DLC1: variants seen among roughly 807,000 people sequenced by gnomAD.
The protein encoded by DLC1 is DLC1 Rho GTPase activating protein.
In DLC1, 54 loss-of-function variants were observed where a neutral mutation model predicts 140.3. The observed-to-expected ratio is 0.38, with a 90% CI of 0.31 to 0.48. The LOEUF is 0.48. DLC1 is among the 20% of genes least tolerant of loss of function. The pLI is 0.96. For synonymous variants in DLC1, 986 were observed against 728.1 expected, an observed-to-expected ratio of 1.35 and a Z score of -5.70; for missense variants, 2,536 against 1,907.0, an observed-to-expected ratio of 1.33 and a Z score of -6.14.
At chr8:13,116,198 T>C (rs926613355) in intron 5 of DLC1, 24 of 985,330 alleles carry the variant, frequency 2.4e-5, no homozygotes, top group African/African-American at 2.1e-4. Context: ...ATTAATCCAG[T>C]AGGAGAGGCC....
intron 5 of DLC1, among the ~76,000 whole-genome samples, chr8:13,282,579 A>G (rs1831401622): frequency 6.6e-6 from 1 of 152,160 alleles, no homozygotes; most frequent in African/African-American, 2.4e-5. Flanking sequence ...TTAAAACTTC[A>G]GGGGGAAATA....
intron 7 of DLC1, among the ~76,000 whole-genome samples, chr8:13,103,233 C>T (rs1000131439): frequency 6.6e-6 from 1 of 151,864 alleles, no homozygotes; most frequent in Non-Finnish European, 1.5e-5. Context: ...ATGGCGTGAA[C>T]CCGGGAGGCG....
At chr8:13,550,685 T>C (rs1382112587) in intron 1 of DLC1, among the ~76,000 whole-genome samples, 1 of 152,104 alleles carries the variant, frequency 6.6e-6, no homozygotes, top group African/African-American at 2.4e-5. Flanking sequence ...TGTGTTATCT[T>C]TAATTAAAGC....
At chr8:13,181,331 CTTTCT>C (rs1826022998) in intron 5 of DLC1, among the ~76,000 whole-genome samples, 1 of 143,504 alleles carries the variant, frequency 7.0e-6, no homozygotes, top group Admixed American at 7.0e-5. Flanking sequence ...TTTTTTCTTT[CTTTCT>C]TTTTTTTTTT....
intron 4 of DLC1, among the ~76,000 whole-genome samples, chr8:13,319,482 G>T (rs111769405): frequency 3.1e-4 from 36 of 114,728 alleles, no homozygotes; most frequent in Non-Finnish European, 6.2e-4. Flanking sequence ...GGCGGGGGGG[G>T]GGGGTGGATT....
intron 1 of DLC1, among the ~76,000 whole-genome samples, chr8:13,572,136 C>T (rs1195007955): frequency 6.8e-6 from 1 of 148,096 alleles, no homozygotes; most frequent in Non-Finnish European, 1.5e-5. Flanking sequence ...GTCACCCAGG[C>T]TGGAATGCAG....
chr8:13,187,657 G>C (rs1826462442), intron 5 of DLC1, among the ~76,000 whole-genome samples: 1 of 152,190 alleles, frequency 6.6e-6, no homozygotes, highest in Admixed American at 6.5e-5. Context: ...TACTATGTGG[G>C]AAGCAATCTA....
At chr8:13,420,755 A>C (rs564689527) in intron 2 of DLC1, among the ~76,000 whole-genome samples, 2 of 152,238 alleles carry the variant, frequency 1.3e-5, no homozygotes, top group South Asian at 4.1e-4. Flanking sequence ...TTATGACTGC[A>C]TAGTATTCTG....
At chr8:13,467,513 G>A (rs1331070806) in intron 2 of DLC1, among the ~76,000 whole-genome samples, 1 of 150,984 alleles carries the variant, frequency 6.6e-6, no homozygotes, top group Non-Finnish European at 1.5e-5. Context: ...TGTAATCCTA[G>A]CACTTTGGGA....
In DLC1 at chr8:13,500,117, G is replaced by T; in HGVS notation, c.-46C>A. ...GACAGAGAGATATATTCCATATGAG[G>T]GTAAAGGAGATGGAACTTGATGAAA... is the stretch of plus-strand genomic sequence containing the variant. On this transcript the variant is annotated 5_prime_UTR_variant, in exon 2 of 18. Transcript: ENST00000276297. 6.8e-7 allele frequency: 1 copy of T among 1,477,882 alleles called. No homozygotes were observed. The highest frequency in any genetic ancestry group is 9.2e-7 in the Non-Finnish European group (1 of 1,081,756). 91.5% of individuals were successfully genotyped at this position (1,477,882 alleles called of 1,614,324 possible). A position where few individuals can be genotyped will look rare whatever the true frequency, so the allele number is the denominator to read the frequency against.
At chr8:13,495,225 A>G (rs1451063458) in intron 2 of DLC1, among the ~76,000 whole-genome samples, 1 of 152,174 alleles carries the variant, frequency 6.6e-6, no homozygotes, top group East Asian at 1.9e-4. Flanking sequence ...TTTACAGAAG[A>G]CTGAATTTTG....
intron 5 of DLC1, among the ~76,000 whole-genome samples, chr8:13,223,250 A>T (rs1233330447): frequency 1.3e-5 from 2 of 151,948 alleles, no homozygotes; most frequent in South Asian, 2.1e-4. Flanking sequence ...TTCAATAAAA[A>T]TTTTTCCTGT....
chr8:13,207,864 C>G (rs894416965), intron 5 of DLC1, among the ~76,000 whole-genome samples: 10 of 152,226 alleles, frequency 6.6e-5, no homozygotes, highest in African/African-American at 2.4e-4. Flanking sequence ...GGTTGAGAAA[C>G]CATGCTTTAG....
At chr8:13,116,778 A>C (rs1820592161) in intron 5 of DLC1, among the ~76,000 whole-genome samples, 1 of 152,250 alleles carries the variant, frequency 6.6e-6, no homozygotes, top group East Asian at 1.9e-4. Context: ...GAACACAGGA[A>C]AGAGAAAAAA....
At chr8:13,556,490 C>G (rs144630980) in intron 1 of DLC1, among the ~76,000 whole-genome samples, 18 of 152,320 alleles carry the variant, frequency 1.2e-4, no homozygotes, top group African/African-American at 3.4e-4. Context: ...GCAGGGGGTC[C>G]AGACAAGGTG....
At chr8:13,118,646 A>G (rs746968474) in intron 5 of DLC1, among the ~76,000 whole-genome samples, 3 of 152,242 alleles carry the variant, frequency 2.0e-5, no homozygotes, top group Non-Finnish European at 4.4e-5. Flanking sequence ...TCCAATTCAT[A>G]GGTCAAGAGA....
intron 5 of DLC1, among the ~76,000 whole-genome samples, chr8:13,200,625 G>A (rs1161590131): frequency 6.6e-6 from 1 of 151,920 alleles, no homozygotes; most frequent in Non-Finnish European, 1.5e-5. Flanking sequence ...TTTTTAGAGA[G>A]GCAGAGTCTC....
At chr8:13,259,152 AAAAAAAAGAG>A (rs1830380818) in intron 5 of DLC1, among the ~76,000 whole-genome samples, 2 of 151,614 alleles carry the variant, frequency 1.3e-5, no homozygotes, top group African/African-American at 4.8e-5. Flanking sequence ...AAAAAAAAAA[AAAAAAAAGAG>A]AAAATCAAAA....
chr8:13,578,441 T>C (rs981102928), intron 1 of DLC1, among the ~76,000 whole-genome samples: 11 of 152,248 alleles, frequency 7.2e-5, no homozygotes, highest in African/African-American at 2.6e-4. Flanking sequence ...AAACTGGGTG[T>C]CCTAGAATTC....
Sources: gnomAD v4.1 joint callset for allele counts (sites outside exome capture counted in the v4.1 genomes callset) on GRCh38, gnomAD v4.1.1 for gene constraint, MANE v1.5 for transcripts, NCBI Gene and HGNC (gene_info 2026-07-23, HGNC 2026-07-21) for gene names.